The following CMSS1 variants were observed in gnomAD, a reference collection of about 807,000 sequenced individuals.
CMSS1 encodes protein CMSS1.
In CMSS1, 33 loss-of-function variants were observed where a neutral mutation model predicts 43.5. The ratio of observed to expected loss-of-function variants is 0.76; its 90% CI spans 0.57 to 1.01. The LOEUF (loss-of-function observed/expected upper bound fraction) is 1.01. Among genes scored for constraint, CMSS1 ranks in the 50% least tolerant of loss-of-function variants. The pLI, the probability that CMSS1 is intolerant of heterozygous loss-of-function variation, is 0.00. For missense variants in CMSS1, 313 were observed against 326.4 expected (o/e 0.96, Z 0.32); for synonymous variants, 115 against 117.2 (o/e 0.98, Z 0.12).
intron 1 of CMSS1, among the ~76,000 whole-genome samples, chr3:100,104,568 A>G (rs1445031609): frequency 2.6e-5 from 4 of 152,206 alleles, no homozygotes; most frequent in African/African-American, 9.7e-5. Flanking sequence ...GACAGTGACC[A>G]AGGCAGAGAA....
chr3:100,084,198 G>A (rs913613911), intron 1 of CMSS1, among the ~76,000 whole-genome samples: 1 of 152,140 alleles, frequency 6.6e-6, no homozygotes, highest in African/African-American at 2.4e-5. Flanking sequence ...GCTCCGTATT[G>A]TTATTTCATG....
At chr3:100,044,789 G>A (rs1465203477) in intron 1 of CMSS1, among the ~76,000 whole-genome samples, 7 of 152,144 alleles carry the variant, frequency 4.6e-5, no homozygotes, top group Non-Finnish European at 1.0e-4. Flanking sequence ...AAAAAGGCTG[G>A]TGCCATTTTT....
Position 100,162,217 on chromosome 3 carries a change from G to A in CMSS1, c.226-86G>A, listed in dbSNP as rs923773843. The A allele has an allele frequency of 4.4e-5, 52 of 1,193,996 alleles. 1 individual carries two copies. Among genetic ancestry groups the A allele is most frequent in the Middle Eastern group, 2.2e-4 (1 of 4,582 alleles). 74.0% of individuals were successfully genotyped at this position (1,193,996 alleles called of 1,614,324 possible). ...TGGCTAACACCAAAAGCTATGTGCC[G>A]TTTAAATGCCAGAGGAACTAACCTA... On this transcript the variant is annotated intron_variant, in intron 3 of 9. Coordinates refer to ENST00000421999, the MANE Select transcript of CMSS1 (RefSeq NM_032359.4).
At chr3:99,858,336 G>A (rs968619314) in intron 1 of CMSS1, among the ~76,000 whole-genome samples, 9 of 151,806 alleles carry the variant, frequency 5.9e-5, no homozygotes, top group Non-Finnish European at 1.3e-4. Context: ...ATGGTGGCAC[G>A]TGCCTGTGGT....
At chr3:99,864,779 G>T (rs1017293809) in intron 1 of CMSS1, among the ~76,000 whole-genome samples, 6 of 151,952 alleles carry the variant, frequency 3.9e-5, no homozygotes, top group African/African-American at 1.2e-4. Flanking sequence ...TGTGCTCGCT[G>T]TCTCCCCAGG....
At chr3:99,985,934 A>G (rs1009359534) in intron 1 of CMSS1, among the ~76,000 whole-genome samples, 1 of 150,752 alleles carries the variant, frequency 6.6e-6, no homozygotes, top group Admixed American at 7.1e-5. Context: ...CATAAAACAC[A>G]TTGGGGGTTA....
At chr3:99,846,161 C>T (rs1393962666) in intron 1 of CMSS1, among the ~76,000 whole-genome samples, 1 of 152,102 alleles carries the variant, frequency 6.6e-6, no homozygotes, top group Non-Finnish European at 1.5e-5. Context: ...CCCCCCGTCC[C>T]CCACCAGCAC....
At chr3:100,067,659 A>T (rs2065689727) in intron 1 of CMSS1, among the ~76,000 whole-genome samples, 1 of 152,244 alleles carries the variant, frequency 6.6e-6, no homozygotes, top group Non-Finnish European at 1.5e-5. Context: ...TTCAATTTTC[A>T]GTAGTATACT....
chr3:100,065,977 C>G (rs1262380335), intron 1 of CMSS1, among the ~76,000 whole-genome samples: 2 of 152,188 alleles, frequency 1.3e-5, no homozygotes, highest in Non-Finnish European at 2.9e-5. Flanking sequence ...ATCAGAAACT[C>G]TGGGAATGCG....
chr3:100,114,524 G>A (rs1420576721), intron 1 of CMSS1: 2 of 171,888 alleles, frequency 1.2e-5, no homozygotes, highest in Admixed American at 6.1e-5. Context: ...CTGTGTATGT[G>A]TGTTTGCATG....
rs140048231 is a variant in CMSS1, at chr3:99,914,400, G to C, written c.64+96357G>C. Among the ~76,000 whole-genome samples the C allele has an allele frequency of 4.6e-3, 696 of 152,272 alleles. 2 individuals carry two copies. The highest frequency in any genetic ancestry group is 7.1e-3 in the South Asian group (34 of 4,822). ...GGTGAAAATACTCTTTCAATAAAATGTTATAATCTTTAAGTGTGTTTTTGA... is the reference window on the plus strand; with the variant it reads ...GGTGAAAATACTCTTTCAATAAAATCTTATAATCTTTAAGTGTGTTTTTGA... On this transcript the variant is annotated intron_variant, in intron 1 of 9. Coordinates refer to ENST00000421999, the MANE Select transcript of CMSS1 (RefSeq NM_032359.4).
intron 1 of CMSS1, among the ~76,000 whole-genome samples, chr3:99,838,253 G>A (rs563262621): frequency 4.6e-5 from 7 of 152,254 alleles, no homozygotes; most frequent in South Asian, 2.1e-4. Flanking sequence ...AGTCTTCCCC[G>A]TGCCTGCCCA....
At chr3:99,895,697 A>G (rs1706228899) in intron 1 of CMSS1, among the ~76,000 whole-genome samples, 1 of 152,122 alleles carries the variant, frequency 6.6e-6, no homozygotes, top group South Asian at 2.1e-4. Context: ...ACACTTCCAC[A>G]TGTTGTCTTC....
intron 1 of CMSS1, among the ~76,000 whole-genome samples, chr3:99,995,456 A>G (rs1709650760): frequency 6.6e-6 from 1 of 152,080 alleles, no homozygotes; most frequent in Non-Finnish European, 1.5e-5. Flanking sequence ...CTGCTTTTCC[A>G]GGAGCATGGT....
chr3:99,864,392 T>C (rs576601097), intron 1 of CMSS1, among the ~76,000 whole-genome samples: 1 of 152,310 alleles, frequency 6.6e-6, no homozygotes, highest in South Asian at 2.1e-4. Context: ...AGCAACTGTA[T>C]GAGCTAAGTA....
intron 1 of CMSS1, among the ~76,000 whole-genome samples, chr3:100,020,917 G>A (rs1409357202): frequency 7.2e-5 from 11 of 152,068 alleles, no homozygotes; most frequent in African/African-American, 1.9e-4. Context: ...ACAGGCATGC[G>A]CCATCATGCC....
chr3:99,978,847 T>C (rs1047019081), intron 1 of CMSS1, among the ~76,000 whole-genome samples: 1 of 151,630 alleles, frequency 6.6e-6, no homozygotes, highest in Admixed American at 6.6e-5. Flanking sequence ...ATTACACCAC[T>C]GCACTCCAGC....
chr3:100,034,071 C>G (rs1404370437), intron 1 of CMSS1, among the ~76,000 whole-genome samples: 2 of 152,110 alleles, frequency 1.3e-5, no homozygotes, highest in African/African-American at 4.8e-5. Flanking sequence ...CATTAGTGAC[C>G]CGTTAATACA....
intron 1 of CMSS1, among the ~76,000 whole-genome samples, chr3:99,980,143 A>G (rs1709079628): frequency 6.6e-6 from 1 of 152,160 alleles, no homozygotes; most frequent in African/African-American, 2.4e-5. Flanking sequence ...TGAGACATGC[A>G]GTAGTACCTT....
Sources: allele counts gnomAD v4.1 joint callset (sites outside exome capture counted in the v4.1 genomes callset), GRCh38; gene constraint gnomAD v4.1.1; transcripts MANE v1.5; gene names NCBI Gene and HGNC (gene_info 2026-07-23, HGNC 2026-07-21).